The following SH3RF1 variants were observed in gnomAD, a reference collection of about 807,000 sequenced individuals.
The protein encoded by SH3RF1 is SH3 domain containing ring finger 1, also known as E3 ubiquitin-protein ligase SH3RF1.
Under a neutral mutation model 74.0 loss-of-function variants are expected in SH3RF1, and 32 were observed. The ratio of observed to expected loss-of-function variants is 0.43; its 90% CI spans 0.33 to 0.58. The LOEUF is 0.58. Ranked by LOEUF, SH3RF1 falls within the 20% of genes least tolerant of loss-of-function variation. The probability of loss-of-function intolerance (pLI) is 0.05; values close to 1 mark genes in which losing one functional copy is unlikely to be tolerated. For synonymous variants in SH3RF1, 396 were observed against 439.6 expected (o/e 0.90, Z 1.24); for missense variants, 954 against 1,130.9 (o/e 0.84, Z 2.24).
chr4:169,109,392 C>T (rs1451247328), intron 10 of SH3RF1, among the ~76,000 whole-genome samples: 1 of 152,188 alleles, frequency 6.6e-6, no homozygotes. Context: ...TGATTAAACA[C>T]ATTAAATACA....
chr4:169,250,881 G>A (rs1287127838), intron 2 of SH3RF1, among the ~76,000 whole-genome samples: 2 of 152,078 alleles, frequency 1.3e-5, no homozygotes, highest in African/African-American at 4.8e-5. Flanking sequence ...CCAAACTGAA[G>A]GAAAGGAGCA....
chr4:169,096,838 G>T (rs1255495204), intron 11 of SH3RF1, 151 bp from the exon 12 acceptor site: 3 of 787,090 alleles, frequency 3.8e-6, no homozygotes, highest in Non-Finnish European at 5.9e-6. Flanking sequence ...GCTATTTTCT[G>T]TTTAGTAGAG....
intron 2 of SH3RF1, among the ~76,000 whole-genome samples, chr4:169,266,685 G>T (rs1484416701): frequency 6.6e-6 from 1 of 152,086 alleles, no homozygotes; most frequent in Non-Finnish European, 1.5e-5. Flanking sequence ...GGCTAGACTT[G>T]AACTCCTGGG....
intron 2 of SH3RF1, among the ~76,000 whole-genome samples, chr4:169,211,169 C>T (rs2660419): frequency 0.47 from 71,524 of 151,944 alleles, 18,107 homozygotes; most frequent in East Asian, 0.78. Flanking sequence ...TATTATGACC[C>T]ATTCTCCAAA....
chr4:169,166,596 C>T, intron 2 of SH3RF1: 2 of 201,526 alleles, frequency 9.9e-6, no homozygotes, highest in Non-Finnish European at 1.1e-5. Context: ...GGTTAAACTT[C>T]ACAAAATGCC....
At chr4:169,121,091 T>C in intron 7 of SH3RF1, 102 bp from the exon 8 acceptor site, 1 of 914,958 alleles carries the variant, frequency 1.1e-6, no homozygotes, top group Non-Finnish European at 1.7e-6. Flanking sequence ...TTTGTACAAA[T>C]GTAAACTGAA....
At chr4:169,097,851 T>C (rs1732957214) in intron 11 of SH3RF1, among the ~76,000 whole-genome samples, 1 of 152,218 alleles carries the variant, frequency 6.6e-6, no homozygotes, top group Non-Finnish European at 1.5e-5. Context: ...CACTTTACTT[T>C]CTCTTGGATC....
In SH3RF1 at chr4:169,136,335, A is replaced by G. The variant is rs904067680; in HGVS notation, c.1051T>C (p.Cys351Arg). The G allele has an allele frequency of 2.0e-6, 3 of 1,470,394 alleles. No individual in the cohort carries two copies. Among genetic ancestry groups the G allele is most frequent in the Non-Finnish European group, 2.7e-6 (3 of 1,108,378 alleles). 91.1% of individuals were successfully genotyped at this position (1,470,394 alleles called of 1,614,324 possible). Residue 351 changes from cysteine to arginine, a missense_variant, in exon 5 of 12, where the codon TGC (cysteine) becomes CGC (arginine). Cys to Arg is a radical substitution (Grantham distance 180). This residue lies in a region of SH3RF1 where 854 missense variants were observed against 962.5 expected (regional missense o/e 0.89). Transcript: ENST00000284637. ...GGATTTACCTGAGAAGGGGCACTGC[A>G]GGAGAGCCCAGACAGCTCGCTGATC... ...ARISELSGLS[C>R]SAPSQVHIST...
rs200436648 is a variant in SH3RF1, at chr4:169,169,603, T to TA, written c.394-12925dup. ...CACAGCAAGACACTGTTTCAAAAAATAAAAAAAAATAAAAAAATAAAAACT... is the reference window on the plus strand; with the variant it reads ...CACAGCAAGACACTGTTTCAAAAAATAAAAAAAAAATAAAAAAATAAAAACT... On this transcript the variant is annotated intron_variant, in intron 2 of 11. Transcript: ENST00000284637. Among the ~76,000 whole-genome samples, 195 of 149,958 alleles carry TA rather than the reference T, an allele frequency of 1.3e-3. No individual in the cohort carries two copies. In the Middle Eastern group the frequency reaches 0.017, roughly 13 times the overall value.
At chr4:169,147,486 G>A (rs1198452251) in intron 4 of SH3RF1, among the ~76,000 whole-genome samples, 1 of 152,144 alleles carries the variant, frequency 6.6e-6, no homozygotes, top group Non-Finnish European at 1.5e-5. Context: ...GGCAGGGTGG[G>A]GGAATGGTGA....
intron 2 of SH3RF1, among the ~76,000 whole-genome samples, chr4:169,186,429 T>A (rs1249978776): frequency 6.6e-6 from 1 of 152,068 alleles, no homozygotes; most frequent in Non-Finnish European, 1.5e-5. Context: ...AGACTAACTA[T>A]AAAACACTTA....
At chr4:169,125,762 C>T (rs1733514349) in intron 6 of SH3RF1, among the ~76,000 whole-genome samples, 1 of 152,174 alleles carries the variant, frequency 6.6e-6, no homozygotes, top group African/African-American at 2.4e-5. Context: ...CCACTTTCAA[C>T]CCTACATATC....
At chr4:169,247,477 C>G (rs1731021196) in intron 2 of SH3RF1, among the ~76,000 whole-genome samples, 1 of 152,134 alleles carries the variant, frequency 6.6e-6, no homozygotes, top group African/African-American at 2.4e-5. Flanking sequence ...AAGGTGTGAG[C>G]TAGAGCCTGG....
At chr4:169,196,809 G>T (rs575614117) in intron 2 of SH3RF1, among the ~76,000 whole-genome samples, 2 of 152,154 alleles carry the variant, frequency 1.3e-5, no homozygotes, top group South Asian at 4.2e-4. Context: ...TTAATAAGCT[G>T]TTCCTTTACT....
At chr4:169,199,665 G>A (rs1734877713) in intron 2 of SH3RF1, among the ~76,000 whole-genome samples, 1 of 151,798 alleles carries the variant, frequency 6.6e-6, no homozygotes, top group Non-Finnish European at 1.5e-5. Flanking sequence ...ACATTTTTGA[G>A]AGCAGCTAGG....
At position 169,116,948 on chromosome 4, in the gene SH3RF1, T is replaced by G. The variant is rs374915001; in HGVS notation, c.1778-318A>C. On this transcript the variant is annotated intron_variant, in intron 9 of 11. Transcript: ENST00000284637. ...GCCAGTTCTTGATGGTATTCTACAGTGTCAAGCGATGTCTCCCTCTAGTCC... is the reference window on the plus strand; with the variant it reads ...GCCAGTTCTTGATGGTATTCTACAGGGTCAAGCGATGTCTCCCTCTAGTCC... Among the ~76,000 whole-genome samples, 10 of 152,222 alleles carry G rather than the reference T, an allele frequency of 6.6e-5. No homozygotes were observed. In the East Asian group the frequency reaches 1.2e-3, roughly 18 times the overall value.
chr4:169,130,045 C>T lies in SH3RF1; in HGVS notation c.1179+1G>A. 6.2e-7 allele frequency: 1 copy of T among 1,611,868 alleles called. No individual in the cohort carries two copies. Among genetic ancestry groups the T allele is most frequent in the Non-Finnish European group, 8.5e-7 (1 of 1,178,468 alleles). On this transcript the variant is annotated splice_donor_variant, in intron 6 of 11. Coordinates refer to ENST00000284637, the MANE Select transcript of SH3RF1 (RefSeq NM_020870.4). LOFTEE classifies it high-confidence loss of function. ...ATAAAAATGGGAGAAACTATACTCA[C>T]TCCAAGGGCAGCTTGGTAGGGAACA...
At chr4:169,266,613 G>A (rs867296288) in intron 2 of SH3RF1, among the ~76,000 whole-genome samples, 2 of 150,770 alleles carry the variant, frequency 1.3e-5, no homozygotes, top group African/African-American at 2.4e-5. Context: ...TTTAAAAAAG[G>A]GGGGTGGGGG....
chr4:169,236,037 GACA>G (rs1346504934), intron 2 of SH3RF1, among the ~76,000 whole-genome samples: 1 of 152,264 alleles, frequency 6.6e-6, no homozygotes, highest in East Asian at 1.9e-4. Flanking sequence ...AACTGTTCTG[GACA>G]ACATTTGCCT....
Sources: allele counts gnomAD v4.1 joint callset (sites outside exome capture counted in the v4.1 genomes callset), GRCh38; gene constraint gnomAD v4.1.1; regional missense constraint gnomAD v4.1.1; transcripts MANE v1.5; gene names NCBI Gene and HGNC (gene_info 2026-07-23, HGNC 2026-07-21).